CUL7: variants seen among roughly 807,000 people sequenced by gnomAD.
CUL7 encodes the protein cullin 7.
In CUL7, 96 loss-of-function variants were observed where a neutral mutation model predicts 177.7. The ratio of observed to expected loss-of-function variants is 0.54; its 90% confidence interval spans 0.46 to 0.64. CUL7 has a LOEUF of 0.64. CUL7 is among the 30% of genes least tolerant of loss of function. CUL7 has a pLI of 0.00. For missense variants in CUL7, 1,893 were observed against 2,187.9 expected, an observed-to-expected ratio of 0.87 and a Z score of 2.69; for synonymous variants, 824 against 890.2, an observed-to-expected ratio of 0.93 and a Z score of 1.32.
intron 19 of CUL7, 98 bp downstream of exon 19, chr6:43,042,704 T>C: frequency 1.3e-6 from 1 of 799,838 alleles, no homozygotes; most frequent in Non-Finnish European, 2.1e-6. Context: ...CATATGTTCA[T>C]CATAGAATGG....
Position 43,052,631 on chromosome 6 carries a change from C to G in CUL7, c.158G>C (p.Gly53Ala), listed in dbSNP as rs1266242694. The change falls in exon 2 of 26, where the codon GGG (glycine) becomes GCG (alanine). Residue 53 changes from glycine (G) to alanine (A), a missense_variant. By Grantham distance (60) the Gly-to-Ala change is moderately conservative. This residue lies in a region of CUL7 where 653 missense variants were observed against 725.2 expected (regional missense o/e 0.90). Transcript: ENST00000265348. This position sits in a 1 kb window ranked among gnomAD's most constrained non-coding sequence, Gnocchi z 4.5. ...LILRRGDEGD[G>A]GSGQVDCKAE... ...CTTGCAGTCCACTTGGCCAGAGCCCCCGTCCCCCTCATCGCCACGCCGCAG... is the reference window on the plus strand; with the variant it reads ...CTTGCAGTCCACTTGGCCAGAGCCCGCGTCCCCCTCATCGCCACGCCGCAG... 3 of 1,614,250 alleles carry G rather than the reference C, an allele frequency of 1.9e-6. No homozygotes were observed. Among genetic ancestry groups the G allele is most frequent in the South Asian group, 1.1e-5 (1 of 91,086 alleles).
At chr6:43,038,772 T>C in intron 23 of CUL7, 70 bp downstream of exon 23, 1 of 1,611,544 alleles carries the variant, frequency 6.2e-7, no homozygotes, top group Non-Finnish European at 8.5e-7. Flanking sequence ...GCAGAGGGAG[T>C]CAAGGTTTTG....
In CUL7 at chr6:43,045,572, C is replaced by T. The variant is rs367777246; in HGVS notation, c.2862+15G>A. 3.6e-5 allele frequency: 58 copies of T among 1,613,904 alleles called. No homozygotes were observed. The highest frequency in any genetic ancestry group is 1.7e-4 in the African/African-American group (13 of 74,942). On this transcript the variant is annotated intron_variant, in intron 14 of 25. Transcript: ENST00000265348. The surrounding 1 kb of genome is among the most constrained non-coding windows in gnomAD (Gnocchi z 4.8). ...GCCCCCTACCCAGGGCCACACCCCACATCCCTGGCCCCACCTGCTGGCAGC... is the reference window on the plus strand; with the variant it reads ...GCCCCCTACCCAGGGCCACACCCCATATCCCTGGCCCCACCTGCTGGCAGC...
Position 43,043,699 on chromosome 6 carries a change from C to T in CUL7, c.3173-69G>A. The T allele has an allele frequency of 2.8e-6, 3 of 1,064,338 alleles. No homozygotes were observed. The highest frequency in any genetic ancestry group is 2.9e-6 in the Non-Finnish European group (2 of 701,176). The allele number at this position is 1,064,338 out of a possible 1,614,324, so 65.9% of individuals were successfully genotyped here. A position where few individuals can be genotyped will look rare whatever the true frequency, so the allele number is the denominator to read the frequency against. ...GGGAAGTGGGAGTGGTTGGGCTGAA[C>T]AGGAGTGTGGAGATAGAGCAACTGG... is the stretch of plus-strand genomic sequence containing the variant. On this transcript the variant is annotated intron_variant, in intron 16 of 25. Transcript: ENST00000265348. This position sits in a 1 kb window ranked among gnomAD's most constrained non-coding sequence, Gnocchi z 4.2.
chr6:43,053,484 G>T lies in CUL7; in HGVS notation c.-9+138C>A, dbSNP rs1046950305. 37 of 547,848 alleles carry T rather than the reference G, an allele frequency of 6.8e-5. No homozygotes were observed. Among genetic ancestry groups the T allele is most frequent in the Non-Finnish European group, 9.6e-5 (33 of 344,416 alleles). 33.9% of individuals were successfully genotyped at this position (547,848 alleles called of 1,614,324 possible). A position where few individuals can be genotyped will look rare whatever the true frequency, so the allele number is the denominator to read the frequency against. ...AGAAGCCAGGGGCGCGCGGTAAGGT[G>T]GGGGAGAGGGGATTAGGCCCCATAA... On this transcript the variant is annotated intron_variant, in intron 1 of 25. Transcript: ENST00000265348. The surrounding 1 kb of genome is among the most constrained non-coding windows in gnomAD (Gnocchi z 4.1).
intron 19 of CUL7, among the ~76,000 whole-genome samples, chr6:43,042,456 TC>T (rs1350821426): frequency 6.6e-6 from 1 of 152,168 alleles, no homozygotes; most frequent in Non-Finnish European, 1.5e-5. Context: ...TTCTCCTGCC[TC>T]AGCCTCCCAA....
At position 43,037,849 on chromosome 6, in the gene CUL7, A is replaced by T. The variant is rs1228984654; in HGVS notation, c.4936T>A (p.Tyr1646Asn). 6.8e-6 allele frequency: 11 copies of T among 1,613,478 alleles called. No homozygotes were observed. Among genetic ancestry groups the T allele is most frequent in the Non-Finnish European group, 9.3e-6 (11 of 1,179,754 alleles). Residue 1646 changes from tyrosine to asparagine, a missense_variant, in exon 26 of 26, where the codon TAT (tyrosine) becomes AAT (asparagine). Coordinates refer to ENST00000265348, the MANE Select transcript of CUL7 (RefSeq NM_014780.5). ...RHDDRPQVLS[Y>N]AVPVTVMEPH... ...TCCATGACAGTCACAGGGACTGCAT[A>T]GGACAGCACCTGGGGCCGGTCGTCA...
chr6:43,037,704 A>C lies in CUL7; in HGVS notation c.5081T>G (p.Phe1694Cys), dbSNP rs1332708930. The C allele has an allele frequency of 7.1e-6, 11 of 1,557,146 alleles. No homozygotes were observed. The highest frequency in any genetic ancestry group is 9.6e-6 in the Non-Finnish European group (11 of 1,149,968). Residue 1694 changes from phenylalanine (F) to cysteine (C), a missense_variant, in exon 26 of 26, where the codon TTC becomes TGC. Coordinates refer to ENST00000265348, the MANE Select transcript of CUL7 (RefSeq NM_014780.5). ...AGTCTAGGGCTACCGGAAGGTAGAG[A>C]AGCTCTGGGTGGCAGTGCAGGAGGC... ...PYASCTATQS[F>C]STFR
intron 19 of CUL7, 81 bp downstream of exon 19, chr6:43,042,721 A>T: frequency 1.1e-6 from 1 of 886,994 alleles, no homozygotes; most frequent in Non-Finnish European, 1.9e-6. Flanking sequence ...ATGGGAATGG[A>T]AGGGTGGGTC....
In CUL7 at chr6:43,045,153, C is replaced by T; in HGVS notation, c.3038+74G>A. 6.5e-7 allele frequency: 1 copy of T among 1,545,178 alleles called. No homozygotes were observed. The highest frequency in any genetic ancestry group is 8.8e-7 in the Non-Finnish European group (1 of 1,138,412). ...ACCTCCATCTCACAGCTTCTATGGA[C>T]CCCTGCCTGCCAGCTATTTGCAATA... On this transcript the variant is annotated intron_variant, in intron 15 of 25. Coordinates refer to ENST00000265348, the MANE Select transcript of CUL7 (RefSeq NM_014780.5). This position sits in a 1 kb window ranked among gnomAD's most constrained non-coding sequence, Gnocchi z 4.8.
intron 22 of CUL7, among the ~76,000 whole-genome samples, chr6:43,039,287 A>C (rs1378088497): frequency 6.6e-6 from 1 of 152,188 alleles, no homozygotes; most frequent in Admixed American, 6.5e-5. Flanking sequence ...GAAGGGAGGA[A>C]GGACTGGGGC....
At position 43,051,608 on chromosome 6, in the gene CUL7, T is replaced by A. The variant is rs141850266; in HGVS notation, c.732+4A>T. ...TCCCCCCACCTTACACCCCCAAAGG[T>A]TACCTGTGGTAGCTGAATGCCCTCG... On this transcript the variant is annotated splice_donor_region_variant and intron_variant, in intron 3 of 25. Coordinates refer to ENST00000265348, the MANE Select transcript of CUL7 (RefSeq NM_014780.5). This position sits in a 1 kb window ranked among gnomAD's most constrained non-coding sequence, Gnocchi z 5.0. 6.2e-7 allele frequency: 1 copy of A among 1,614,122 alleles called. No individual in the cohort carries two copies. Among genetic ancestry groups the A allele is most frequent in the Non-Finnish European group, 8.5e-7 (1 of 1,180,038 alleles).
chr6:43,037,667 C>T lies in CUL7; in HGVS notation c.*21G>A. ...TCTGTAAAAGCTCCAGCTCTACCTT[C>T]CCCTGACCCCAAGTCTAGGGCTACC... On this transcript the variant is annotated 3_prime_UTR_variant, in exon 26 of 26. Transcript: ENST00000265348. 15 of 1,544,638 alleles carry T rather than the reference C, an allele frequency of 9.7e-6. No homozygotes were observed. Among genetic ancestry groups the T allele is most frequent in the Non-Finnish European group, 1.3e-5 (15 of 1,140,730 alleles).
chr6:43,046,060 A>G lies in CUL7; in HGVS notation c.2692T>C (p.Ser898Pro). 6.2e-7 allele frequency: 1 copy of G among 1,614,130 alleles called. No homozygotes were observed. The highest frequency in any genetic ancestry group is 8.5e-7 in the Non-Finnish European group (1 of 1,180,002). Residue 898 changes from serine to proline, a missense_variant, in exon 13 of 26, where the codon TCG becomes CCG. Around this residue, in one of 5 missense-constraint regions of CUL7, gnomAD observed 973 missense variants for 1,140.9 expected, o/e 0.85. Transcript: ENST00000265348. ...ACCACTCGGGCCGGCATGTAACTCG[A>G]GTCCTCACTAGCCACAAGCAGAGTC... The part of the protein sequence containing the change: ...QLTLLVASED[S>P]SYMPARVVVC...
chr6:43,042,746 AG>A, intron 19 of CUL7, 55 bp downstream of exon 19: 1 of 1,144,156 alleles, frequency 8.7e-7, no homozygotes. Flanking sequence ...GGAGGAGGTG[AG>A]GAAGGGAGAG....
rs111471694 is a variant in CUL7, at chr6:43,052,293, G to T, written c.496C>A (p.Leu166Ile). Residue 166 changes from leucine to isoleucine, a missense_variant, in exon 2 of 26, where the codon CTC becomes ATC. Leu to Ile is a conservative substitution (Grantham distance 5). This residue lies in a region of CUL7 where 653 missense variants were observed against 725.2 expected (regional missense o/e 0.90). Transcript: ENST00000265348. This position sits in a 1 kb window ranked among gnomAD's most constrained non-coding sequence, Gnocchi z 4.5. ...TCAGGACTACTCAACATGTGCATGA[G>T]CAAGTCCAGGACCCTTGGGTCCTTG... ...VFKDPRVLDL[L>I]MHMLSSPDYQ... is the part of the protein sequence containing the mutation. 6.2e-7 allele frequency: 1 copy of T among 1,614,214 alleles called. No individual in the cohort carries two copies. Among genetic ancestry groups the T allele is most frequent in the South Asian group, 1.1e-5 (1 of 91,090 alleles).
Position 43,050,373 on chromosome 6 carries a change from G to A in CUL7, c.1259C>T (p.Thr420Ile). 2 of 1,614,146 alleles carry A rather than the reference G, an allele frequency of 1.2e-6. No homozygotes were observed. Among genetic ancestry groups the A allele is most frequent in the Non-Finnish European group, 1.7e-6 (2 of 1,180,022 alleles). The change falls in exon 5 of 26, where the codon ACC (threonine) becomes ATC (isoleucine). Residue 420 changes from threonine (T) to isoleucine (I), a missense_variant. Transcript: ENST00000265348. This position sits in a 1 kb window ranked among gnomAD's most constrained non-coding sequence, Gnocchi z 4.1. ...VQVFWESTGR[T>I]YWVHWHMLEI... ...CAGCATGTGCCAGTGCACCCAATAG[G>A]TGCGGCCTGTTGACTCCCAAAATAC... is the stretch of plus-strand genomic sequence containing the variant.
intron 16 of CUL7, among the ~76,000 whole-genome samples, 195 bp downstream of exon 16, chr6:43,044,557 T>C (rs1257414504): frequency 6.6e-6 from 1 of 151,154 alleles, no homozygotes; most frequent in Non-Finnish European, 1.5e-5. Context: ...CCAGCACTTA[T>C]GGTGTCCCCT....
At position 43,050,469 on chromosome 6, in the gene CUL7, G is replaced by C. The variant is rs929544368; in HGVS notation, c.1234-71C>G. The C allele has an allele frequency of 1.3e-6, 2 of 1,589,724 alleles. No individual in the cohort carries two copies. The highest frequency in any genetic ancestry group is 1.7e-6 in the Non-Finnish European group (2 of 1,163,298). ...AAATGACTGGCTGTGGCCCAGTACT[G>C]AGGACTATAGCCCTCAGGGTGACCA... is the stretch of plus-strand genomic sequence containing the variant. On this transcript the variant is annotated intron_variant, in intron 4 of 25. Coordinates refer to ENST00000265348, the MANE Select transcript of CUL7 (RefSeq NM_014780.5). This position sits in a 1 kb window ranked among gnomAD's most constrained non-coding sequence, Gnocchi z 4.1.
Sources: allele counts gnomAD v4.1 joint callset (sites outside exome capture counted in the v4.1 genomes callset), GRCh38; gene constraint gnomAD v4.1.1; regional missense constraint gnomAD v4.1.1; non-coding constraint Gnocchi (gnomAD v3.1); transcripts MANE v1.5; gene names NCBI Gene and HGNC (gene_info 2026-07-23, HGNC 2026-07-21).